Variants in KNL1 observed in about 807,000 individuals in gnomAD.
The protein encoded by KNL1 is kinetochore scaffold 1.
Under a neutral mutation model 201.3 loss-of-function variants are expected in KNL1, and 66 were observed. That is an observed-to-expected ratio of 0.33 (90% CI 0.27 to 0.40). The LOEUF (loss-of-function observed/expected upper bound fraction) is 0.40. Among genes scored for constraint, KNL1 ranks in the 10% least tolerant of loss-of-function variants. KNL1 has a pLI of 1.00. For missense variants in KNL1, 2,815 were observed against 2,690.5 expected (o/e 1.05, Z -1.02); for synonymous variants, 895 against 899.2 (o/e 1.00, Z 0.08).
Position 40,623,400 on chromosome 15 carries a change from A to G in KNL1, c.3136A>G (p.Lys1046Glu), listed in dbSNP as rs767198233. ...LSKSATCKNI[K>E]DVQSPGFLNE... is the part of the protein sequence containing the mutation. The stretch of plus-strand genomic sequence containing the variant: ...TAAATCAGCCACTTGCAAAAACATC[A>G]AAGATGTACAAAGTCCTGGATTTCT... The change falls in exon 10 of 26, where the codon AAA becomes GAA. Residue 1046 changes from lysine (K) to glutamate (E), a missense_variant. Physicochemically the swap from Lys to Glu is moderately conservative, Grantham distance 56 (BLOSUM62 1). Around this residue, in one of 3 missense-constraint regions of KNL1, gnomAD observed 2,464 missense variants for 2,291.7 expected, o/e 1.08. Transcript: ENST00000399668. The G allele has an allele frequency of 1.5e-5, 25 of 1,614,018 alleles. No individual in the cohort carries two copies. In the South Asian group the frequency reaches 2.7e-4, roughly 18 times the overall value.
chr15:40,655,114 A>G (rs1177701362), intron 22 of KNL1, 137 bp downstream of exon 22: 11 of 614,310 alleles, frequency 1.8e-5, no homozygotes, highest in Non-Finnish European at 3.1e-5. Flanking sequence ...CCTGACTAAC[A>G]TGGTGAAACC....
chr15:40,597,253 GT>G (rs1031947254), intron 1 of KNL1, among the ~76,000 whole-genome samples: 1 of 150,318 alleles, frequency 6.7e-6, no homozygotes, highest in Non-Finnish European at 1.5e-5. Flanking sequence ...TAACTTTTTT[GT>G]TTTTTTTTCT....
At position 40,647,025 on chromosome 15, in the gene KNL1, G is replaced by A. The variant is rs763915472; in HGVS notation, c.6045G>A (p.Met2015Ile). ...AACTTCAAATAAAGATAGATGAGAT[G>A]GATAAAATACTTAAGAAGATCGATA... The part of the protein sequence containing the change: ...REKLQIKIDE[M>I]DKILKKIDNC... Residue 2015 changes from methionine (M) to isoleucine (I), a missense_variant, in exon 17 of 26, where the codon ATG (methionine) becomes ATA (isoleucine). By Grantham distance (10) the Met-to-Ile change is conservative (BLOSUM62 1). Around this residue, in one of 3 missense-constraint regions of KNL1, gnomAD observed 334 missense variants for 362.6 expected, o/e 0.92. Coordinates refer to ENST00000399668, the MANE Select transcript of KNL1 (RefSeq NM_144508.5). 1.3e-6 allele frequency: 2 copies of A among 1,527,890 alleles called. No individual in the cohort carries two copies. Among genetic ancestry groups the A allele is most frequent in the Non-Finnish European group, 9.1e-7 (1 of 1,102,234 alleles). The allele number at this position is 1,527,890 out of a possible 1,614,324, so 94.6% of individuals were successfully genotyped here. A position where few individuals can be genotyped will look rare whatever the true frequency, so the allele number is the denominator to read the frequency against.
At chr15:40,602,210 T>A (rs1380638738) in intron 1 of KNL1, among the ~76,000 whole-genome samples, 1 of 150,592 alleles carries the variant, frequency 6.6e-6, no homozygotes, top group African/African-American at 2.4e-5. Context: ...TTTTTTTCTA[T>A]TTTTAGTAGA....
chr15:40,646,971 A>G lies in KNL1; in HGVS notation c.6007-16A>G, dbSNP rs1359239974. 3.6e-6 allele frequency: 4 copies of G among 1,099,610 alleles called. No homozygotes were observed. The highest frequency in any genetic ancestry group is 5.6e-6 in the Non-Finnish European group (4 of 713,446). The allele number at this position is 1,099,610 out of a possible 1,614,324, so 68.1% of individuals were successfully genotyped here. ...TTAGAGGTTTAACTTGACAGTCTATAATCTTTTGTATTTAGAATGAGAGGG... is the reference window on the plus strand; with the variant it reads ...TTAGAGGTTTAACTTGACAGTCTATGATCTTTTGTATTTAGAATGAGAGGG... On this transcript the variant is annotated splice_polypyrimidine_tract_variant and intron_variant, in intron 16 of 25. Coordinates refer to ENST00000399668, the MANE Select transcript of KNL1 (RefSeq NM_144508.5).
At position 40,621,801 on chromosome 15, in the gene KNL1, A is replaced by G; in HGVS notation, c.1537A>G (p.Thr513Ala). 1 of 1,613,876 alleles carries G rather than the reference A, an allele frequency of 6.2e-7. No homozygotes were observed. The highest frequency in any genetic ancestry group is 1.1e-5 in the South Asian group (1 of 91,080). The change falls in exon 10 of 26, where the codon ACA (threonine) becomes GCA (alanine). Residue 513 changes from threonine (T) to alanine (A), a missense_variant. Around this residue, in one of 3 missense-constraint regions of KNL1, gnomAD observed 2,464 missense variants for 2,291.7 expected, o/e 1.08. Transcript: ENST00000399668. The part of the protein sequence containing the change: ...QSNVQIAAAP[T>A]PEKEMMLQNL... Reference sequence around the variant, plus strand: ...AAATGTGCAAATAGCAGCTGCACCAACACCCGAAAAAGAAATGATGCTCCA... The same window carrying G: ...AAATGTGCAAATAGCAGCTGCACCAGCACCCGAAAAAGAAATGATGCTCCA...
chr15:40,658,359 C>G lies in KNL1; in HGVS notation c.6713+886C>G, dbSNP rs956018054. Among the ~76,000 whole-genome samples the G allele has an allele frequency of 1.1e-4, 16 of 151,164 alleles. No homozygotes were observed. In the Admixed American group the frequency reaches 1.1e-3, roughly 10 times the overall value. ...CCTAGGCAAGATGGTGAAACCCTGT[C>G]TCTACTAAAAATACAAAAAATTAGC... On this transcript the variant is annotated intron_variant, in intron 24 of 25. Coordinates refer to ENST00000399668, the MANE Select transcript of KNL1 (RefSeq NM_144508.5).
chr15:40,604,116 TATCATC>T (rs71104704), intron 2 of KNL1, among the ~76,000 whole-genome samples: 96 of 149,542 alleles, frequency 6.4e-4, no homozygotes, highest in African/African-American at 1.7e-3. Flanking sequence ...CTGTCTCACA[TATCATC>T]ATCATCATCA....
At chr15:40,639,265 G>A (rs2141745078) in intron 13 of KNL1, among the ~76,000 whole-genome samples, 1 of 150,590 alleles carries the variant, frequency 6.6e-6, no homozygotes, top group South Asian at 2.1e-4. Context: ...ACCAGCCTGG[G>A]CAACGTAGCA....
intron 4 of KNL1, among the ~76,000 whole-genome samples, chr15:40,607,732 TA>T (rs1370511375): frequency 1.3e-5 from 2 of 152,036 alleles, no homozygotes; most frequent in Admixed American, 1.3e-4. Context: ...TAGGGAAATG[TA>T]AATCAAAACC....
rs750444856 is a variant in KNL1, at chr15:40,603,008, G to A, written c.35+42G>A. ...CAGCTAAAAATATTATATTCTATCA[G>A]AGAAAGATATTTTTCTAATTAGTAA... On this transcript the variant is annotated intron_variant, in intron 2 of 25. Coordinates refer to ENST00000399668, the MANE Select transcript of KNL1 (RefSeq NM_144508.5). The A allele has an allele frequency of 4.5e-6, 6 of 1,320,866 alleles. No individual in the cohort carries two copies. In the South Asian group the frequency reaches 7.5e-5, roughly 17 times the overall value. The allele number at this position is 1,320,866 out of a possible 1,614,324, so 81.8% of individuals were successfully genotyped here. A position where few individuals can be genotyped will look rare whatever the true frequency, so the allele number is the denominator to read the frequency against.
chr15:40,642,689 G>A (rs1336039022), intron 14 of KNL1, among the ~76,000 whole-genome samples: 3 of 152,058 alleles, frequency 2.0e-5, no homozygotes, highest in Non-Finnish European at 4.4e-5. Flanking sequence ...GTGCAGTAGC[G>A]CCATCTCGGC....
At chr15:40,649,076 G>T (rs1468442043) in intron 17 of KNL1, among the ~76,000 whole-genome samples, 1 of 149,336 alleles carries the variant, frequency 6.7e-6, no homozygotes, top group Non-Finnish European at 1.5e-5. Context: ...GACCTCAGGT[G>T]ATCCGCCCGC....
rs1336092088 is a variant in KNL1 at position 40,618,953 on chromosome 15, A to G, written c.323-6A>G. The G allele has an allele frequency of 1.3e-6, 2 of 1,595,618 alleles. No homozygotes were observed. Among genetic ancestry groups the G allele is most frequent in the South Asian group, 1.1e-5 (1 of 89,510 alleles). ...CTGACTACAGTTTTTTCTTTTTTCT[A>G]AATAGGGATGAACACATTGCTTTCT... is the stretch of plus-strand genomic sequence containing the variant. On this transcript the variant is annotated splice_region_variant and splice_polypyrimidine_tract_variant and intron_variant, in intron 8 of 25. Coordinates refer to ENST00000399668, the MANE Select transcript of KNL1 (RefSeq NM_144508.5).
chr15:40,650,147 C>A, intron 17 of KNL1, 154 bp from the exon 18 acceptor site: 4 of 500,608 alleles, frequency 8.0e-6, no homozygotes, highest in African/African-American at 2.0e-5. Context: ...AAAATAGAAA[C>A]CATCAGACTA....
intron 13 of KNL1, 124 bp downstream of exon 13, chr15:40,629,495 C>CTTTTTTTTTTTTT: frequency 6.2e-6 from 1 of 162,518 alleles, no homozygotes; most frequent in Non-Finnish European, 1.1e-5. Flanking sequence ...TTTGCCTTTT[C>CTTTTTTTTTTTTT]TTTTTTTTTT....
At chr15:40,656,186 T>G (rs1476394291) in intron 22 of KNL1, among the ~76,000 whole-genome samples, 1 of 152,144 alleles carries the variant, frequency 6.6e-6, no homozygotes, top group African/African-American at 2.4e-5. Context: ...ATCCCAGCAC[T>G]TTGGGAGACC....
intron 7 of KNL1, 35 bp from the exon 8 acceptor site, chr15:40,615,306 G>A (rs1292580081): frequency 1.5e-5 from 9 of 595,716 alleles, no homozygotes; most frequent in Admixed American, 1.1e-4. Context: ...TAATTGTTTG[G>A]GGTATAGATT....
At chr15:40,611,097 A>T (rs1000634838) in intron 6 of KNL1, among the ~76,000 whole-genome samples, 4 of 123,072 alleles carry the variant, frequency 3.3e-5, no homozygotes, top group African/African-American at 1.3e-4. Flanking sequence ...ATTTTTTAAA[A>T]ATTTTATTGT....
Sources: allele counts gnomAD v4.1 joint callset (sites outside exome capture counted in the v4.1 genomes callset), GRCh38; gene constraint gnomAD v4.1.1; regional missense constraint gnomAD v4.1.1; transcripts MANE v1.5; gene names NCBI Gene and HGNC (gene_info 2026-07-23, HGNC 2026-07-21).